Variants in GRIK4 observed in about 807,000 individuals in gnomAD.
GRIK4 encodes glutamate receptor ionotropic, kainate 4.
A neutral mutation model predicts 104.9 loss-of-function variants in GRIK4; 40 were observed. That is an observed-to-expected ratio of 0.38 (90% CI 0.30 to 0.50). GRIK4 has a LOEUF of 0.50. Ranked by LOEUF, GRIK4 falls within the 20% of genes least tolerant of loss-of-function variation. The probability of loss-of-function intolerance (pLI) is 0.93; values close to 1 mark genes in which losing one functional copy is unlikely to be tolerated. For missense variants in GRIK4, 1,047 were observed against 1,308.1 expected, an observed-to-expected ratio of 0.80 and a Z score of 3.08; for synonymous variants, 485 against 524.9, an observed-to-expected ratio of 0.92 and a Z score of 1.04.
rs181890703 is a variant in GRIK4, at chr11:120,817,811, G to C, written c.346-1944G>C. Among the ~76,000 whole-genome samples, 133 of 152,294 alleles carry C rather than the reference G, an allele frequency of 8.7e-4. 2 individuals are homozygous for C. The highest frequency in any genetic ancestry group is 3.0e-3 in the African/African-American group (123 of 41,560). On this transcript the variant is annotated intron_variant, in intron 5 of 20. Coordinates refer to ENST00000527524, the MANE Select transcript of GRIK4 (RefSeq NM_014619.5). ...GCTCCCCATCAGCTCCCCTTCCTCA[G>C]CCCTCACCCCCTGTACGCACAACTC...
intron 13 of GRIK4, among the ~76,000 whole-genome samples, chr11:120,928,960 CGTGT>C (rs61452053): frequency 0.21 from 32,178 of 150,256 alleles, 3,589 homozygotes; most frequent in East Asian, 0.35. Context: ...TTAGCAAAGA[CGTGT>C]GTGTGTGTGT....
At chr11:120,907,653 A>G (rs1942898183) in intron 13 of GRIK4, among the ~76,000 whole-genome samples, 1 of 152,210 alleles carries the variant, frequency 6.6e-6, no homozygotes, top group African/African-American at 2.4e-5. Context: ...ACGGAGATCA[A>G]TGAATGATCG....
intron 3 of GRIK4, among the ~76,000 whole-genome samples, chr11:120,777,084 G>A (rs1952058483): frequency 6.6e-6 from 1 of 152,094 alleles, no homozygotes; most frequent in African/African-American, 2.4e-5. Context: ...GGTGATGTAG[G>A]GAACTAGAAA....
intron 3 of GRIK4, among the ~76,000 whole-genome samples, chr11:120,667,512 C>T (rs530194382): frequency 3.4e-4 from 52 of 152,356 alleles, no homozygotes; most frequent in Middle Eastern, 6.8e-3. Context: ...CCTCGCGGCT[C>T]GTCAGCAGGC....
In GRIK4 at chr11:120,953,075, T is replaced by G. The variant is rs952258340; in HGVS notation, c.1700+111T>G. ...AGAGGGGGAGGAGGAGTTGGGAAGA[T>G]CTTGGTGCCAAACTAGAAGGACAGG... is the stretch of plus-strand genomic sequence containing the variant. On this transcript the variant is annotated intron_variant, in intron 15 of 20. Transcript: ENST00000527524. This position sits in a 1 kb window ranked among gnomAD's most constrained non-coding sequence, Gnocchi z 4.9. The G allele has an allele frequency of 4.3e-6, 3 of 702,094 alleles. No individual in the cohort carries two copies. Among genetic ancestry groups the G allele is most frequent in the Non-Finnish European group, 7.4e-6 (3 of 403,240 alleles). The allele number at this position is 702,094 out of a possible 1,614,324, so 43.5% of individuals were successfully genotyped here.
intron 20 of GRIK4, among the ~76,000 whole-genome samples, chr11:120,983,561 C>G (rs1313937834): frequency 1.3e-5 from 2 of 152,206 alleles, no homozygotes; most frequent in Non-Finnish European, 2.9e-5. Flanking sequence ...TCTCTTGGTT[C>G]CCCTCCTGTT....
chr11:120,636,772 G>A (rs182692269), intron 1 of GRIK4, among the ~76,000 whole-genome samples: 14 of 152,276 alleles, frequency 9.2e-5, no homozygotes, highest in African/African-American at 3.4e-4. Context: ...CCTGGGAGGT[G>A]GAGTTTGCAG....
chr11:120,958,493 A>T (rs1389063936), intron 16 of GRIK4, among the ~76,000 whole-genome samples: 1 of 152,214 alleles, frequency 6.6e-6, no homozygotes, highest in African/African-American at 2.4e-5. Context: ...GGTCCGTTCC[A>T]TGGAGGAGTG....
At chr11:120,929,826 G>GA (rs569421524) in intron 13 of GRIK4, among the ~76,000 whole-genome samples, 168 of 113,680 alleles carry the variant, frequency 1.5e-3, no homozygotes, top group African/African-American at 4.6e-3. Context: ...CTCTAGTGGG[G>GA]AACCTACGGC....
chr11:120,657,633 G>T (rs1006081859), intron 2 of GRIK4, among the ~76,000 whole-genome samples: 10 of 152,240 alleles, frequency 6.6e-5, no homozygotes, highest in African/African-American at 2.4e-4. Context: ...CAGGAAAAGT[G>T]CTGCTCTCAG....
intron 1 of GRIK4, among the ~76,000 whole-genome samples, chr11:120,651,502 T>A (rs1010434759): frequency 6.6e-6 from 1 of 152,188 alleles, no homozygotes; most frequent in African/African-American, 2.4e-5. Context: ...TGCTCCTTAT[T>A]GCCTGAGCAT....
intron 3 of GRIK4, among the ~76,000 whole-genome samples, chr11:120,761,473 T>A (rs1160632556): frequency 6.6e-6 from 1 of 152,270 alleles, no homozygotes; most frequent in Non-Finnish European, 1.5e-5. Flanking sequence ...TTTGTCAATT[T>A]TGGCTTTTGT....
intron 1 of GRIK4, among the ~76,000 whole-genome samples, chr11:120,624,082 A>G (rs1237427658): frequency 1.3e-5 from 2 of 152,204 alleles, no homozygotes; most frequent in Non-Finnish European, 2.9e-5. Context: ...AATTGCTCAC[A>G]GATGGCATAA....
intron 1 of GRIK4, among the ~76,000 whole-genome samples, chr11:120,570,062 G>A (rs140333328): frequency 2.0e-5 from 3 of 152,316 alleles, no homozygotes; most frequent in East Asian, 1.9e-4. Context: ...TGGCTGCTCC[G>A]GGAGCCCCTC....
intron 3 of GRIK4, among the ~76,000 whole-genome samples, chr11:120,704,975 T>C (rs1950605882): frequency 6.6e-6 from 1 of 152,240 alleles, no homozygotes; most frequent in Non-Finnish European, 1.5e-5. Flanking sequence ...TGAATAGTCT[T>C]AGCACTCTTG....
chr11:120,772,921 G>A (rs1002308215), intron 3 of GRIK4, among the ~76,000 whole-genome samples: 2 of 151,996 alleles, frequency 1.3e-5, no homozygotes, highest in Admixed American at 1.3e-4. Flanking sequence ...CCTGTGATTG[G>A]CCAATATTAC....
intron 9 of GRIK4, among the ~76,000 whole-genome samples, chr11:120,863,554 G>A (rs1342281944): frequency 6.6e-6 from 1 of 152,242 alleles, no homozygotes; most frequent in Non-Finnish European, 1.5e-5. Flanking sequence ...GAGTGAGTCA[G>A]GCGGAATGAT....
intron 2 of GRIK4, among the ~76,000 whole-genome samples, chr11:120,655,942 G>A (rs1949702411): frequency 1.3e-5 from 2 of 152,122 alleles, no homozygotes; most frequent in African/African-American, 4.8e-5. Context: ...GCAGATGTGC[G>A]GTCATAAGTC....
intron 12 of GRIK4, among the ~76,000 whole-genome samples, chr11:120,904,047 C>T (rs1942810263): frequency 6.6e-6 from 1 of 152,190 alleles, no homozygotes; most frequent in Admixed American, 6.5e-5. Flanking sequence ...GATTGCCCTT[C>T]ATTTCCCCAC....
Sources: allele counts gnomAD v4.1 joint callset (sites outside exome capture counted in the v4.1 genomes callset), GRCh38; gene constraint gnomAD v4.1.1; non-coding constraint Gnocchi (gnomAD v3.1); transcripts MANE v1.5; gene names NCBI Gene and HGNC (gene_info 2026-07-23, HGNC 2026-07-21).